The following ANLN variants were observed in gnomAD, a reference collection of about 807,000 sequenced individuals.
ANLN encodes anillin.
In ANLN, 59 loss-of-function variants were observed where a neutral mutation model predicts 135.1. That is an observed-to-expected ratio of 0.44 (90% CI 0.35 to 0.54). The LOEUF is 0.54. Ranked by LOEUF, ANLN falls within the 20% of genes least tolerant of loss-of-function variation. The pLI, the probability that ANLN is intolerant of heterozygous loss-of-function variation, is 0.00. For synonymous variants in ANLN, 406 were observed against 456.4 expected (o/e 0.89, Z 1.41); for missense variants, 1,182 against 1,340.0 (o/e 0.88, Z 1.84).
chr7:36,392,805 A>G (rs1215526728), intron 1 of ANLN, among the ~76,000 whole-genome samples: 1 of 151,918 alleles, frequency 6.6e-6, no homozygotes, highest in Non-Finnish European at 1.5e-5. Context: ...GAACATTCAT[A>G]TACGTTTGAA....
rs1401589843 is a variant in ANLN, at chr7:36,412,664, A to ATG, written c.1395+1498_1395+1499insTG. Among the ~76,000 whole-genome samples the ATG allele has an allele frequency of 1.6e-4, 24 of 152,148 alleles. No individual in the cohort carries two copies. The South Asian group carries it at 1.7e-3, about 11-fold the overall frequency. On this transcript the variant is annotated intron_variant, in intron 7 of 23. Coordinates refer to ENST00000265748, the MANE Select transcript of ANLN (RefSeq NM_018685.5). ...TTAAAAGACGCATATTCATGTATTCACTTGCTTAAAATCTTGAAGTGCTCC... is the reference window on the plus strand; with the variant it reads ...TTAAAAGACGCATATTCATGTATTCATGCTTGCTTAAAATCTTGAAGTGCTCC...
rs1583627001 is a variant in ANLN, at chr7:36,421,966, A to C, written c.2273A>C (p.Glu758Ala). The change falls in exon 13 of 24, where the codon GAA becomes GCA. Residue 758 changes from glutamate (E) to alanine (A), a missense_variant. Coordinates refer to ENST00000265748, the MANE Select transcript of ANLN (RefSeq NM_018685.5). ...GGAAAAGGGTCCCTAGAAGAAGCTG[A>C]AGCAGAAAGACTTCTTCTAATTGCA... is the stretch of plus-strand genomic sequence containing the variant. ...EHGKGSLEEAEAERLLLIATG... is the reference protein window; with the variant it reads ...EHGKGSLEEAAAERLLLIATG... The C allele has an allele frequency of 6.2e-7, 1 of 1,613,484 alleles. No individual in the cohort carries two copies. Among genetic ancestry groups the C allele is most frequent in the African/African-American group, 1.3e-5 (1 of 75,002 alleles).
intron 7 of ANLN, among the ~76,000 whole-genome samples, chr7:36,412,684 T>C (rs868025945): frequency 6.6e-6 from 1 of 152,112 alleles, no homozygotes; most frequent in African/African-American, 2.4e-5. Flanking sequence ...AATCTTGAAG[T>C]GCTCCTCATA....
At chr7:36,446,990 C>T (rs190223168) in intron 22 of ANLN, among the ~76,000 whole-genome samples, 4 of 152,214 alleles carry the variant, frequency 2.6e-5, no homozygotes, top group Admixed American at 1.3e-4. Flanking sequence ...CCTTAGTGGA[C>T]GCGTTCCAAG....
chr7:36,393,792 G>A (rs1786579972), intron 1 of ANLN, among the ~76,000 whole-genome samples: 1 of 152,216 alleles, frequency 6.6e-6, no homozygotes, highest in African/African-American at 2.4e-5. Flanking sequence ...GGGTTAGTCA[G>A]TGTCTGATGG....
chr7:36,413,640 C>T (rs1244054804), intron 7 of ANLN, among the ~76,000 whole-genome samples: 1 of 152,200 alleles, frequency 6.6e-6, no homozygotes, highest in African/African-American at 2.4e-5. Context: ...CATCTGTGGT[C>T]TCCACAGACT....
intron 3 of ANLN, among the ~76,000 whole-genome samples, chr7:36,402,689 T>C (rs1787005691): frequency 6.6e-6 from 1 of 152,130 alleles, no homozygotes; most frequent in African/African-American, 2.4e-5. Flanking sequence ...CAGAATAGGA[T>C]CTACTTATAC....
chr7:36,435,801 A>G (rs1219729450), intron 20 of ANLN, among the ~76,000 whole-genome samples: 1 of 124,208 alleles, frequency 8.1e-6, no homozygotes, highest in Non-Finnish European at 1.6e-5. Context: ...TGAACCTGGG[A>G]GGCGGAGCTT....
intron 15 of ANLN, 58 bp downstream of exon 15, chr7:36,424,001 C>T (rs369789885): frequency 2.0e-6 from 3 of 1,510,592 alleles, no homozygotes; most frequent in African/African-American, 2.8e-5. Context: ...AGAGTTGATA[C>T]AGTCTAAAGC....
intron 7 of ANLN, 29 bp downstream of exon 7, chr7:36,411,195 A>G: frequency 6.5e-7 from 1 of 1,549,530 alleles, no homozygotes; most frequent in African/African-American, 1.4e-5. Flanking sequence ...ATAAAAACGA[A>G]CTTGGTCCCC....
At chr7:36,416,963 A>G in intron 8 of ANLN, 117 bp from the exon 9 acceptor site, 1 of 583,240 alleles carries the variant, frequency 1.7e-6, no homozygotes, top group Non-Finnish European at 2.9e-6. Context: ...GGGTTTGGAT[A>G]TTTTAAAACG....
At chr7:36,394,480 T>C (rs1786613199) in intron 1 of ANLN, among the ~76,000 whole-genome samples, 1 of 152,220 alleles carries the variant, frequency 6.6e-6, no homozygotes. Flanking sequence ...TGAAACAATA[T>C]GCTTATTCTT....
Position 36,401,099 on chromosome 7 carries a change from C to A in ANLN, c.487+1706C>A, listed in dbSNP as rs530104992. Among the ~76,000 whole-genome samples the A allele has an allele frequency of 7.4e-4, 112 of 152,260 alleles. 2 individuals carry two copies. Among genetic ancestry groups the A allele is most frequent in the African/African-American group, 1.4e-3 (60 of 41,558 alleles). ...GAAGTGATGATAATAATCTCAAGAGCAAACAGTATGTAAAATGCTAGGTAT... is the reference window on the plus strand; with the variant it reads ...GAAGTGATGATAATAATCTCAAGAGAAAACAGTATGTAAAATGCTAGGTAT... On this transcript the variant is annotated intron_variant, in intron 3 of 23. Coordinates refer to ENST00000265748, the MANE Select transcript of ANLN (RefSeq NM_018685.5).
Position 36,410,995 on chromosome 7 carries a change from G to T in ANLN, c.1288-64G>T, listed in dbSNP as rs765995827. On this transcript the variant is annotated intron_variant, in intron 6 of 23. Coordinates refer to ENST00000265748, the MANE Select transcript of ANLN (RefSeq NM_018685.5). ...AAAACTGCAAACAAGGAAAATTTTAGTAGTGTTTGGATGTTAAACATGCTA... is the reference window on the plus strand; with the variant it reads ...AAAACTGCAAACAAGGAAAATTTTATTAGTGTTTGGATGTTAAACATGCTA... The T allele has an allele frequency of 3.5e-6, 5 of 1,426,220 alleles. No homozygotes were observed. The South Asian group carries it at 5.4e-5, about 15-fold the overall frequency. 88.3% of individuals were successfully genotyped at this position (1,426,220 alleles called of 1,614,324 possible). A position where few individuals can be genotyped will look rare whatever the true frequency, so the allele number is the denominator to read the frequency against.
Position 36,421,851 on chromosome 7 carries a change from TCC to T in ANLN, c.2164-5_2164-4del. On this transcript the variant is annotated splice_region_variant and splice_polypyrimidine_tract_variant and intron_variant, in intron 12 of 23. Transcript: ENST00000265748. ...ATATTTTTTCTCCTCTCATTGGTTTTCCTAGGAACTCAATAACGAAATAAATA... is the reference window on the plus strand; with the variant it reads ...ATATTTTTTCTCCTCTCATTGGTTTTTAGGAACTCAATAACGAAATAAATA... The T allele has an allele frequency of 6.3e-7, 1 of 1,593,248 alleles. No individual in the cohort carries two copies. The highest frequency in any genetic ancestry group is 8.5e-7 in the Non-Finnish European group (1 of 1,172,368).
At chr7:36,424,498 G>T in intron 15 of ANLN, 47 bp from the exon 16 acceptor site, 1 of 1,451,256 alleles carries the variant, frequency 6.9e-7, no homozygotes, top group South Asian at 1.2e-5. Context: ...TTAATGGTGT[G>T]ATTGAGGTTT....
intron 20 of ANLN, among the ~76,000 whole-genome samples, chr7:36,431,602 TATATATATATATATA>T (rs373670696): frequency 0.053 from 1,977 of 37,182 alleles, 51 homozygotes; most frequent in African/African-American, 0.085. Context: ...TGTGTGTATA[TATATATATATATATA>T]ATATATATAT....
At chr7:36,420,351 GT>G in intron 11 of ANLN, 37 bp downstream of exon 11, 5 of 1,603,896 alleles carry the variant, frequency 3.1e-6, no homozygotes, top group Non-Finnish European at 4.3e-6. Flanking sequence ...CTCACTAAGG[GT>G]CATGGTTTAG....
At chr7:36,429,432 G>A (rs1297838215) in intron 20 of ANLN, among the ~76,000 whole-genome samples, 2 of 152,000 alleles carry the variant, frequency 1.3e-5, no homozygotes, top group African/African-American at 4.8e-5. Context: ...TGTTACCCAG[G>A]CTAGTCTTGA....
Sources: allele counts gnomAD v4.1 joint callset (sites outside exome capture counted in the v4.1 genomes callset), GRCh38; gene constraint gnomAD v4.1.1; transcripts MANE v1.5; gene names NCBI Gene and HGNC (gene_info 2026-07-23, HGNC 2026-07-21).